The following MED4 variants were observed in gnomAD, a reference collection of about 807,000 sequenced individuals.
MED4 encodes the protein mediator complex subunit 4.
In MED4, 21 loss-of-function variants were observed where a neutral mutation model predicts 35.0. The observed-to-expected ratio is 0.60, with a 90% CI of 0.43 to 0.86. MED4 has a LOEUF of 0.86. MED4 is among the 40% of genes least tolerant of loss of function. The probability of loss-of-function intolerance (pLI) is 0.00; values close to 1 mark genes in which losing one functional copy is unlikely to be tolerated. For missense variants in MED4, 300 were observed against 319.4 expected (o/e 0.94, Z 0.46); for synonymous variants, 138 against 114.0 (o/e 1.21, Z -1.34).
At chr13:48,077,805 T>A (rs115004879) in intron 6 of MED4, among the ~76,000 whole-genome samples, 28 of 152,178 alleles carry the variant, frequency 1.8e-4, no homozygotes, top group South Asian at 4.1e-4. Context: ...GGGACTTTTT[T>A]AAAAAAATCA....
At chr13:48,077,426 T>C (rs1488996765) in intron 6 of MED4, 115 bp from the exon 7 acceptor site, 1 of 936,344 alleles carries the variant, frequency 1.1e-6, no homozygotes, top group Non-Finnish European at 1.5e-6. Flanking sequence ...TTTTTTCTCT[T>C]CTTTTTTTGA....
At chr13:48,094,302 G>C (rs1196908038) in intron 1 of MED4, among the ~76,000 whole-genome samples, 1 of 152,144 alleles carries the variant, frequency 6.6e-6, no homozygotes. Flanking sequence ...AGGGAGTCAA[G>C]GAAGGCTTCA....
chr13:48,077,622 G>A (rs961580755), intron 6 of MED4: 1 of 165,110 alleles, frequency 6.1e-6, no homozygotes, highest in Admixed American at 6.4e-5. Flanking sequence ...TGTTAACCAG[G>A]CTGGTCTCCA....
Position 48,077,237 on chromosome 13 carries a change from C to T in MED4, c.715G>A (p.Asp239Asn), listed in dbSNP as rs777435260. The change falls in exon 7 of 7, where the codon GAC becomes AAC. Residue 239 changes from aspartate to asparagine, a missense_variant. Transcript: ENST00000258648. ...TGCCCAGGAGGTTCCAACAAAAAGT[C>T]ACTACTATGATTTGGTGGTAACATA... Reference protein sequence around the residue: ...MNMLPPNHSSDFLLEPPGHNK... With the variant: ...MNMLPPNHSSNFLLEPPGHNK... 2 of 1,599,112 alleles carry T rather than the reference C, an allele frequency of 1.3e-6. No individual in the cohort carries two copies. Among genetic ancestry groups the T allele is most frequent in the South Asian group, 2.3e-5 (2 of 88,364 alleles).
chr13:48,089,630 T>C (rs1950876632), intron 2 of MED4, among the ~76,000 whole-genome samples: 2 of 152,134 alleles, frequency 1.3e-5, no homozygotes, highest in Non-Finnish European at 2.9e-5. Context: ...CGCATGCCTA[T>C]AGTCCCAGAT....
At chr13:48,086,840 A>ATTTT (rs1364298368) in intron 2 of MED4, among the ~76,000 whole-genome samples, 3 of 152,026 alleles carry the variant, frequency 2.0e-5, no homozygotes, top group African/African-American at 7.2e-5. Flanking sequence ...ACTTGAGGTC[A>ATTTT]CGAGTTCTAG....
chr13:48,077,760 A>G (rs1950771932), intron 6 of MED4, among the ~76,000 whole-genome samples: 1 of 152,198 alleles, frequency 6.6e-6, no homozygotes, highest in Non-Finnish European at 1.5e-5. Context: ...ATAAAAATCA[A>G]ATTTATCAAG....
At chr13:48,081,498 A>G in intron 5 of MED4, 147 bp downstream of exon 5, 1 of 457,374 alleles carries the variant, frequency 2.2e-6, no homozygotes, top group Non-Finnish European at 3.7e-6. Context: ...GGCCTATATC[A>G]TTACTTATAA....
intron 1 of MED4, among the ~76,000 whole-genome samples, chr13:48,092,781 A>T (rs1344109508): frequency 1.3e-5 from 2 of 152,224 alleles, no homozygotes; most frequent in East Asian, 1.9e-4. Flanking sequence ...CTCTGGTCTA[A>T]GTAAAAGCTG....
At chr13:48,087,351 C>G (rs974852405) in intron 2 of MED4, among the ~76,000 whole-genome samples, 1 of 151,508 alleles carries the variant, frequency 6.6e-6, no homozygotes, top group Admixed American at 6.6e-5. Flanking sequence ...GCAACAAGAG[C>G]GAAACTCCAT....
intron 6 of MED4, 88 bp from the exon 7 acceptor site, chr13:48,077,399 A>C: frequency 9.0e-7 from 1 of 1,111,476 alleles, no homozygotes; most frequent in Non-Finnish European, 1.2e-6. Context: ...AATTTGAAGT[A>C]TTTTTTTTAA....
chr13:48,085,828 G>A (rs1482274932), intron 3 of MED4, among the ~76,000 whole-genome samples: 1 of 151,964 alleles, frequency 6.6e-6, no homozygotes, highest in Non-Finnish European at 1.5e-5. Flanking sequence ...AGATGAGGAT[G>A]AATGACTAAA....
At chr13:48,092,091 T>C (rs1260049696) in intron 1 of MED4, among the ~76,000 whole-genome samples, 1 of 152,048 alleles carries the variant, frequency 6.6e-6, no homozygotes, top group Non-Finnish European at 1.5e-5. Flanking sequence ...TGGTAAAGAT[T>C]AGTGTTTCAT....
chr13:48,091,332 T>C (rs1017966147), intron 1 of MED4, among the ~76,000 whole-genome samples: 10 of 152,188 alleles, frequency 6.6e-5, no homozygotes, highest in African/African-American at 2.4e-4. Context: ...GTAATGTTTA[T>C]ATATTAGTTT....
At chr13:48,091,661 A>T (rs942611657) in intron 1 of MED4, among the ~76,000 whole-genome samples, 4 of 152,230 alleles carry the variant, frequency 2.6e-5, no homozygotes, top group African/African-American at 7.2e-5. Flanking sequence ...TTGAGTGCCT[A>T]TCATGTGCCA....
chr13:48,089,490 G>C (rs1238623624), intron 2 of MED4, among the ~76,000 whole-genome samples: 1 of 152,062 alleles, frequency 6.6e-6, no homozygotes, highest in East Asian at 1.9e-4. Context: ...CCAGCACTTT[G>C]GTAGGCCAAG....
chr13:48,080,741 CT>C (rs11299325), intron 5 of MED4, among the ~76,000 whole-genome samples: 43,217 of 146,266 alleles, frequency 0.3, 7,570 homozygotes, highest in African/African-American at 0.5. Flanking sequence ...AATTTAAAAT[CT>C]TTTTTTTTTT....
chr13:48,079,715 T>C (rs914031580), intron 6 of MED4, 129 bp downstream of exon 6: 17 of 1,114,160 alleles, frequency 1.5e-5, no homozygotes, highest in Admixed American at 7.2e-5. Context: ...ATAACAAGAC[T>C]GTCTCAAATT....
At chr13:48,088,187 A>C (rs536146724) in intron 2 of MED4, among the ~76,000 whole-genome samples, 5 of 152,354 alleles carry the variant, frequency 3.3e-5, no homozygotes, top group Admixed American at 3.3e-4. Flanking sequence ...ATGCAAGTCT[A>C]GTCTAAATAT....
Sources: gnomAD v4.1 joint callset for allele counts (sites outside exome capture counted in the v4.1 genomes callset) on GRCh38, gnomAD v4.1.1 for gene constraint, MANE v1.5 for transcripts, NCBI Gene and HGNC (gene_info 2026-07-23, HGNC 2026-07-21) for gene names.